Variants in SLC35F4 observed in about 807,000 individuals in gnomAD.
The protein encoded by SLC35F4 is chromosome 14 open reading frame 36.
Under a neutral mutation model 44.2 loss-of-function variants are expected in SLC35F4, and 24 were observed. The ratio of observed to expected loss-of-function variants is 0.54; its 90% CI spans 0.39 to 0.76. The LOEUF (loss-of-function observed/expected upper bound fraction) is 0.76. SLC35F4 is among the 30% of genes least tolerant of loss of function. SLC35F4 has a pLI of 0.00. For missense variants in SLC35F4, 562 were observed against 586.1 expected, an observed-to-expected ratio of 0.96 and a Z score of 0.42; for synonymous variants, 238 against 223.6, an observed-to-expected ratio of 1.06 and a Z score of -0.57.
intron 7 of SLC35F4, among the ~76,000 whole-genome samples, chr14:57,565,008 T>C (rs1421215608): frequency 6.6e-6 from 1 of 152,240 alleles, no homozygotes; most frequent in Non-Finnish European, 1.5e-5. Flanking sequence ...CTGTGTTCTT[T>C]CGTGACTGGC....
At chr14:57,567,740 T>C (rs1332231420) in intron 6 of SLC35F4, among the ~76,000 whole-genome samples, 2 of 152,204 alleles carry the variant, frequency 1.3e-5, no homozygotes, top group African/African-American at 4.8e-5. Context: ...ATCAGGAATT[T>C]ATTAAATACA....
intron 1 of SLC35F4, among the ~76,000 whole-genome samples, chr14:57,757,580 G>A (rs1465497765): frequency 6.6e-6 from 1 of 151,970 alleles, no homozygotes; most frequent in African/African-American, 2.4e-5. Flanking sequence ...CATGGTACAT[G>A]TCTAAAACTT....
chr14:57,669,060 G>T (rs1385206728), intron 1 of SLC35F4, among the ~76,000 whole-genome samples: 2 of 151,998 alleles, frequency 1.3e-5, no homozygotes, highest in Non-Finnish European at 2.9e-5. Context: ...CCTGTAAGTT[G>T]GATTCCTAGG....
At chr14:57,864,039 CT>C (rs1269429318) in intron 1 of SLC35F4, among the ~76,000 whole-genome samples, 1 of 152,164 alleles carries the variant, frequency 6.6e-6, no homozygotes, top group African/African-American at 2.4e-5. Context: ...TAAAATGTCA[CT>C]TTTTCAGTAT....
chr14:57,623,009 CA>C (rs2072273542), intron 1 of SLC35F4, among the ~76,000 whole-genome samples: 2 of 151,988 alleles, frequency 1.3e-5, no homozygotes, highest in African/African-American at 2.4e-5. Flanking sequence ...TTAAAAGACA[CA>C]GACTGGCAAA....
At chr14:57,922,101 T>C (rs1889455287) in intron 1 of SLC35F4, among the ~76,000 whole-genome samples, 2 of 152,212 alleles carry the variant, frequency 1.3e-5, no homozygotes, top group South Asian at 4.1e-4. Flanking sequence ...GAATCACACA[T>C]GCCTGGTCAA....
chr14:57,638,065 C>CT (rs530040516), intron 1 of SLC35F4, among the ~76,000 whole-genome samples: 101 of 152,262 alleles, frequency 6.6e-4, no homozygotes, highest in African/African-American at 2.3e-3. Context: ...TAAGAATAAA[C>CT]TATGTCCTAA....
intron 1 of SLC35F4, among the ~76,000 whole-genome samples, chr14:57,889,661 T>C (rs769649487): frequency 2.6e-5 from 4 of 152,228 alleles, no homozygotes; most frequent in Admixed American, 6.5e-5. Flanking sequence ...ACAAAAGACA[T>C]ATAATATAGA....
intron 1 of SLC35F4, among the ~76,000 whole-genome samples, chr14:57,819,109 T>C (rs1189819343): frequency 6.6e-6 from 1 of 152,158 alleles, no homozygotes; most frequent in African/African-American, 2.4e-5. Flanking sequence ...ACACATAATA[T>C]GATTGTCAAT....
chr14:57,600,423 T>C (rs1480899363), intron 1 of SLC35F4, among the ~76,000 whole-genome samples: 1 of 151,998 alleles, frequency 6.6e-6, no homozygotes, highest in African/African-American at 2.4e-5. Context: ...CCGGGCGCGG[T>C]GGCTCACGCC....
chr14:57,585,339 T>C (rs536415664), intron 3 of SLC35F4, among the ~76,000 whole-genome samples: 7 of 152,268 alleles, frequency 4.6e-5, no homozygotes, highest in African/African-American at 1.7e-4. Context: ...AACGTATCTA[T>C]CTCAAAATAA....
At chr14:57,632,546 C>A (rs992249213) in intron 1 of SLC35F4, among the ~76,000 whole-genome samples, 12 of 151,966 alleles carry the variant, frequency 7.9e-5, no homozygotes, top group African/African-American at 2.9e-4. Flanking sequence ...AGATATTTCC[C>A]ATATAATTCC....
intron 1 of SLC35F4, among the ~76,000 whole-genome samples, chr14:57,753,040 G>A (rs1057297556): frequency 6.6e-6 from 1 of 152,162 alleles, no homozygotes; most frequent in Non-Finnish European, 1.5e-5. Context: ...ATGCTCAGGG[G>A]ATTGGCTTTA....
chr14:57,784,932 T>C (rs1204494435), intron 1 of SLC35F4, among the ~76,000 whole-genome samples: 2 of 152,164 alleles, frequency 1.3e-5, no homozygotes, highest in Non-Finnish European at 2.9e-5. Flanking sequence ...ATGTTTTCTC[T>C]TCCTTATGCT....
chr14:57,725,135 G>T (rs753066172), intron 1 of SLC35F4, among the ~76,000 whole-genome samples: 5 of 152,188 alleles, frequency 3.3e-5, no homozygotes, highest in Non-Finnish European at 7.3e-5. Context: ...CAAGTGGAAA[G>T]CATGACCATT....
chr14:57,811,045 G>A (rs1231320622), intron 1 of SLC35F4, among the ~76,000 whole-genome samples: 1 of 152,198 alleles, frequency 6.6e-6, no homozygotes, highest in African/African-American at 2.4e-5. Flanking sequence ...AGGACACTGG[G>A]TAACAGAGAC....
intron 1 of SLC35F4, among the ~76,000 whole-genome samples, chr14:57,863,868 C>T (rs577075849): frequency 7.2e-5 from 11 of 152,184 alleles, no homozygotes; most frequent in Non-Finnish European, 1.6e-4. Flanking sequence ...GGTAAGTGCC[C>T]ATCACAAATA....
At chr14:57,752,036 C>T (rs997194937) in intron 1 of SLC35F4, among the ~76,000 whole-genome samples, 2 of 151,766 alleles carry the variant, frequency 1.3e-5, no homozygotes, top group Admixed American at 6.6e-5. Flanking sequence ...CCGATTAGAC[C>T]TTCCTTTTCC....
intron 1 of SLC35F4, among the ~76,000 whole-genome samples, chr14:57,753,688 T>C (rs2076934443): frequency 6.6e-6 from 1 of 152,176 alleles, no homozygotes; most frequent in Admixed American, 6.5e-5. Context: ...AAGAAGGGAC[T>C]GTGAGTTCTT....
Sources: allele counts gnomAD v4.1 joint callset (sites outside exome capture counted in the v4.1 genomes callset), GRCh38; gene constraint gnomAD v4.1.1; transcripts MANE v1.5; gene names NCBI Gene and HGNC (gene_info 2026-07-23, HGNC 2026-07-21).